TPX2: variants seen among roughly 807,000 people sequenced by gnomAD.
TPX2 encodes the protein targeting protein for Xklp2.
A neutral mutation model predicts 93.6 loss-of-function variants in TPX2; 21 were observed. The ratio of observed to expected loss-of-function variants is 0.22; its 90% CI spans 0.16 to 0.32. The LOEUF is 0.32. TPX2 is among the 10% of genes least tolerant of loss of function. TPX2 has a pLI of 1.00. For missense variants in TPX2, 776 were observed against 871.1 expected, an observed-to-expected ratio of 0.89 and a Z score of 1.37; for synonymous variants, 281 against 298.3, an observed-to-expected ratio of 0.94 and a Z score of 0.60.
intron 12 of TPX2, among the ~76,000 whole-genome samples, chr20:31,784,771 A>C (rs2062054706): frequency 6.6e-6 from 1 of 152,162 alleles, no homozygotes; most frequent in Non-Finnish European, 1.5e-5. Context: ...TTTAGAGAAA[A>C]TGTGCAATCA....
At chr20:31,750,238 A>G (rs2122959589) in intron 2 of TPX2, among the ~76,000 whole-genome samples, 1 of 150,640 alleles carries the variant, frequency 6.6e-6, no homozygotes, top group Admixed American at 6.6e-5. Context: ...GCTCACTGCA[A>G]CCTCCACCCC....
At chr20:31,781,253 C>CTTTT (rs1007150417) in intron 10 of TPX2, among the ~76,000 whole-genome samples, 5 of 116,772 alleles carry the variant, frequency 4.3e-5, no homozygotes, top group Non-Finnish European at 6.9e-5. Flanking sequence ...GGCCTTATAT[C>CTTTT]TTTTTTTTTT....
At chr20:31,761,070 G>T (rs756704520) in intron 4 of TPX2, among the ~76,000 whole-genome samples, 44 of 152,064 alleles carry the variant, frequency 2.9e-4, no homozygotes, top group Non-Finnish European at 5.4e-4. Context: ...TATATTCACA[G>T]AGTTGTGCAA....
chr20:31,775,980 C>T lies in TPX2; in HGVS notation c.722C>T (p.Ala241Val), dbSNP rs2061994129. ...KNEEFKKLAL[A>V]GIGQPVKKSV... The stretch of plus-strand genomic sequence containing the variant: ...GAAGAATTCAAGAAACTTGCTCTGG[C>T]TGGAATAGGTGAGCTTGGCTGTGGT... Residue 241 changes from alanine to valine, a missense_variant, in exon 8 of 18, where the codon GCT (alanine) becomes GTT (valine). Ala to Val is a moderately conservative substitution (Grantham distance 64). This residue lies in a region of TPX2 where 279 missense variants were observed against 261.6 expected (regional missense o/e 1.07). Coordinates refer to ENST00000300403, the MANE Select transcript of TPX2 (RefSeq NM_012112.5). The T allele has an allele frequency of 1.4e-6, 2 of 1,454,320 alleles. No homozygotes were observed. Among genetic ancestry groups the T allele is most frequent in the Non-Finnish European group, 9.2e-7 (1 of 1,086,216 alleles). The allele number at this position is 1,454,320 out of a possible 1,614,324, so 90.1% of individuals were successfully genotyped here.
At chr20:31,785,644 C>T (rs1031090737) in intron 12 of TPX2, among the ~76,000 whole-genome samples, 1 of 152,000 alleles carries the variant, frequency 6.6e-6, no homozygotes, top group Non-Finnish European at 1.5e-5. Flanking sequence ...ATTACAGGCG[C>T]ATGCCACCAC....
chr20:31,798,644 C>G (rs1568613534), intron 17 of TPX2, 92 bp downstream of exon 17: 12 of 1,393,056 alleles, frequency 8.6e-6, no homozygotes, highest in Admixed American at 2.8e-5. Context: ...TCTAAGGTAG[C>G]CCGCAAGGCT....
intron 15 of TPX2, among the ~76,000 whole-genome samples, chr20:31,796,231 T>C (rs775250626): frequency 4.6e-5 from 7 of 152,208 alleles, no homozygotes; most frequent in Non-Finnish European, 7.3e-5. Flanking sequence ...AAAAGTCTTG[T>C]TTCATCCCAA....
rs1404421909 is a variant in TPX2 at position 31,776,108 on chromosome 20, C to G, written c.730+120C>G. 60 of 963,982 alleles carry G rather than the reference C, an allele frequency of 6.2e-5. No homozygotes were observed. The African/African-American group carries it at 1.1e-3, about 17-fold the overall frequency. 59.7% of individuals were successfully genotyped at this position (963,982 alleles called of 1,614,324 possible). Reference sequence around the variant, plus strand: ...TTTTTTTTTGAGACGGAGTCTCGCTCTGTCGCCCAGGCCGGACTGCGGACT... The same window carrying G: ...TTTTTTTTTGAGACGGAGTCTCGCTGTGTCGCCCAGGCCGGACTGCGGACT... On this transcript the variant is annotated intron_variant, in intron 8 of 17. Transcript: ENST00000300403.
chr20:31,749,707 A>G (rs1224742919), intron 2 of TPX2, among the ~76,000 whole-genome samples: 2 of 151,942 alleles, frequency 1.3e-5, no homozygotes, highest in Non-Finnish European at 2.9e-5. Flanking sequence ...AGGCAGGAGA[A>G]TCACATGAAC....
intron 4 of TPX2, among the ~76,000 whole-genome samples, chr20:31,764,419 T>G (rs1423398522): frequency 1.3e-5 from 2 of 152,112 alleles, no homozygotes; most frequent in African/African-American, 4.8e-5. Context: ...TCCACCCACC[T>G]CAGCCTTCCA....
At chr20:31,793,304 A>G (rs2062114685) in intron 13 of TPX2, among the ~76,000 whole-genome samples, 1 of 152,202 alleles carries the variant, frequency 6.6e-6, no homozygotes, top group South Asian at 2.1e-4. Flanking sequence ...GTCATTGGTC[A>G]GGCCAGTTTC....
intron 7 of TPX2, among the ~76,000 whole-genome samples, chr20:31,773,543 C>T (rs2061977599): frequency 6.6e-6 from 1 of 152,132 alleles, no homozygotes; most frequent in Non-Finnish European, 1.5e-5. Context: ...CTGCCCGCCT[C>T]AGCCTCTCAA....
At chr20:31,786,040 C>T (rs1171458924) in intron 12 of TPX2, among the ~76,000 whole-genome samples, 1 of 152,202 alleles carries the variant, frequency 6.6e-6, no homozygotes, top group East Asian at 1.9e-4. Context: ...ATAGCTAATA[C>T]TTATATAATG....
At chr20:31,780,826 G>A (rs758483804) in intron 10 of TPX2, 3 of 262,630 alleles carry the variant, frequency 1.1e-5, no homozygotes, top group African/African-American at 7.0e-5. Flanking sequence ...TTGATTTTCT[G>A]TAAGATGTGG....
Position 31,777,846 on chromosome 20 carries a change from G to A in TPX2, c.882+208G>A, listed in dbSNP as rs558893085. ...GGCTGGAGTGCAATGGCACGATTTCGGCTCACTGTAACCTCCGCCTCCCGG... is the reference window on the plus strand; with the variant it reads ...GGCTGGAGTGCAATGGCACGATTTCAGCTCACTGTAACCTCCGCCTCCCGG... On this transcript the variant is annotated intron_variant, in intron 9 of 17. Transcript: ENST00000300403. Among the ~76,000 whole-genome samples, 89 of 150,334 alleles carry A rather than the reference G, an allele frequency of 5.9e-4. 1 individual carries two copies. Among genetic ancestry groups the A allele is most frequent in the Middle Eastern group, 6.9e-3 (2 of 288 alleles).
intron 2 of TPX2, among the ~76,000 whole-genome samples, chr20:31,756,223 T>G (rs1025951375): frequency 6.6e-6 from 1 of 152,158 alleles, no homozygotes; most frequent in Non-Finnish European, 1.5e-5. Context: ...TTTTAGGAAC[T>G]TCGAGTCTAC....
intron 1 of TPX2, among the ~76,000 whole-genome samples, chr20:31,740,195 T>G (rs755099804): frequency 1.3e-5 from 2 of 152,236 alleles, no homozygotes; most frequent in Admixed American, 6.5e-5. Context: ...TATAATTTTC[T>G]AGTAGTTCAG....
intron 5 of TPX2, among the ~76,000 whole-genome samples, chr20:31,768,258 G>T (rs1320272860): frequency 2.3e-5 from 3 of 130,478 alleles, no homozygotes; most frequent in Non-Finnish European, 4.9e-5. Context: ...TTTTTTTTCA[G>T]ACGAGTCTCG....
At chr20:31,777,232 G>A (rs1053505460) in intron 8 of TPX2, among the ~76,000 whole-genome samples, 5 of 152,180 alleles carry the variant, frequency 3.3e-5, no homozygotes, top group Non-Finnish European at 5.9e-5. Flanking sequence ...CCTAGGAGAT[G>A]GGATTCTTCT....
Sources: allele counts gnomAD v4.1 joint callset (sites outside exome capture counted in the v4.1 genomes callset), GRCh38; gene constraint gnomAD v4.1.1; regional missense constraint gnomAD v4.1.1; transcripts MANE v1.5; gene names NCBI Gene and HGNC (gene_info 2026-07-23, HGNC 2026-07-21).